Variants in TAFA2 observed in about 807,000 individuals in gnomAD.
TAFA2 encodes TAFA chemokine like family member 2.
TAFA2 carries 7 observed loss-of-function variants against 18.8 expected under a neutral mutation model. That is an observed-to-expected ratio of 0.37 (90% CI 0.21 to 0.70). The LOEUF (loss-of-function observed/expected upper bound fraction) is 0.70. Ranked by LOEUF, TAFA2 falls within the 30% of genes least tolerant of loss-of-function variation. The pLI is 0.53. For synonymous variants in TAFA2, 60 were observed against 54.2 expected, an observed-to-expected ratio of 1.11 and a Z score of -0.47; for missense variants, 122 against 158.1, an observed-to-expected ratio of 0.77 and a Z score of 1.23.
At chr12:61,794,895 C>A (rs1301221181) in intron 2 of TAFA2, among the ~76,000 whole-genome samples, 1 of 152,016 alleles carries the variant, frequency 6.6e-6, no homozygotes, top group Non-Finnish European at 1.5e-5. Context: ...AAAAAACAAA[C>A]AACCCCAATA....
intron 1 of TAFA2, among the ~76,000 whole-genome samples, chr12:61,924,767 A>C (rs1877206097): frequency 6.6e-6 from 1 of 152,224 alleles, no homozygotes; most frequent in Non-Finnish European, 1.5e-5. Context: ...AATGGGCTAA[A>C]TGCCCTAGTT....
chr12:61,743,702 C>T (rs1355513293), intron 4 of TAFA2, among the ~76,000 whole-genome samples: 1 of 152,086 alleles, frequency 6.6e-6, no homozygotes, highest in Non-Finnish European at 1.5e-5. Flanking sequence ...AAATCCTGAA[C>T]TTGTGGGAAC....
rs184000370 is a variant in TAFA2 at position 62,035,506 on chromosome 12, G to A, written c.-2+155753C>T. On this transcript the variant is annotated intron_variant, in intron 1 of 4. Transcript: ENST00000416284. ...AGCAAATGAAAGAAGTGGGAAGAGG[G>A]TTGATATAGGGAGAGCCACAAATAC... Among the ~76,000 whole-genome samples the A allele has an allele frequency of 2.6e-5, 4 of 151,440 alleles. No homozygotes were observed. In the East Asian group the frequency reaches 7.8e-4, roughly 30 times the overall value.
intron 2 of TAFA2, among the ~76,000 whole-genome samples, chr12:61,860,409 TA>T (rs1256174324): frequency 6.6e-6 from 1 of 152,220 alleles, no homozygotes; most frequent in Non-Finnish European, 1.5e-5. Flanking sequence ...CACTATGAAT[TA>T]TAAATCAGTG....
intron 1 of TAFA2, among the ~76,000 whole-genome samples, chr12:62,017,731 A>AT (rs1222935817): frequency 6.6e-6 from 1 of 152,170 alleles, no homozygotes; most frequent in Non-Finnish European, 1.5e-5. Flanking sequence ...TTTCACATCA[A>AT]TATAGCATAT....
chr12:61,812,931 T>TA lies in TAFA2; in HGVS notation c.106+54388dup, dbSNP rs1209419896. On this transcript the variant is annotated intron_variant, in intron 2 of 4. Transcript: ENST00000416284. ...TCAGAAAATACAGGTAAATATAAAA[T>TA]AAAAAATATCCTCTTGTTTGCTATT... Among the ~76,000 whole-genome samples, 15 of 151,306 alleles carry TA rather than the reference T, an allele frequency of 9.9e-5. 1 individual carries two copies. Among genetic ancestry groups the TA allele is most frequent in the African/African-American group, 3.2e-4 (13 of 40,634 alleles).
chr12:61,892,882 GTAAA>G (rs1875695875), intron 1 of TAFA2, among the ~76,000 whole-genome samples: 1 of 152,116 alleles, frequency 6.6e-6, no homozygotes, highest in Non-Finnish European at 1.5e-5. Context: ...GAGTGAATAA[GTAAA>G]TAAATAAATG....
At chr12:62,014,556 C>T (rs190130623) in intron 1 of TAFA2, among the ~76,000 whole-genome samples, 11 of 152,162 alleles carry the variant, frequency 7.2e-5, no homozygotes, top group African/African-American at 9.6e-5. Context: ...TGCTTAACCC[C>T]GGAAGGCAGA....
intron 1 of TAFA2, chr12:61,879,362 TG>T (rs1875009827): frequency 4.1e-6 from 3 of 730,936 alleles, no homozygotes; most frequent in Admixed American, 4.4e-5. Context: ...TATCCACCTC[TG>T]GCCCCCGGGC....
chr12:62,123,772 C>CCACACACACACACACACACACA (rs369871302), intron 1 of TAFA2, among the ~76,000 whole-genome samples: 17 of 69,032 alleles, frequency 2.5e-4, no homozygotes, highest in South Asian at 1.1e-3. Flanking sequence ...ATCTCCCCCA[C>CCACACACACACACACACACACA]CACACACATA....
intron 1 of TAFA2, among the ~76,000 whole-genome samples, chr12:62,032,047 A>C (rs996623219): frequency 5.9e-5 from 9 of 152,180 alleles, no homozygotes; most frequent in African/African-American, 2.2e-4. Flanking sequence ...TTTATAACTT[A>C]AATAACATTG....
chr12:62,003,597 T>C (rs1420176661), intron 1 of TAFA2, among the ~76,000 whole-genome samples: 1 of 152,196 alleles, frequency 6.6e-6, no homozygotes, highest in Non-Finnish European at 1.5e-5. Flanking sequence ...CTTCATATCC[T>C]GCTCTATTTT....
upstream of TAFA2, among the ~76,000 whole-genome samples, chr12:62,195,335 CA>C (rs896326688): frequency 6.6e-6 from 1 of 151,708 alleles, no homozygotes; most frequent in Non-Finnish European, 1.5e-5. Flanking sequence ...AATTCCATCT[CA>C]AAAAAAACTA....
intron 1 of TAFA2, among the ~76,000 whole-genome samples, chr12:62,089,137 C>T (rs1020835760): frequency 2.6e-5 from 4 of 152,130 alleles, no homozygotes; most frequent in African/African-American, 7.2e-5. Context: ...ACGAAATTAA[C>T]ACCAAAGCTT....
At chr12:61,812,075 A>C (rs1270706904) in intron 2 of TAFA2, among the ~76,000 whole-genome samples, 1 of 151,386 alleles carries the variant, frequency 6.6e-6, no homozygotes, top group Non-Finnish European at 1.5e-5. Flanking sequence ...CAAAAATCTC[A>C]TGGGGCCAAA....
At chr12:62,098,630 G>A (rs1869051856) in intron 1 of TAFA2, among the ~76,000 whole-genome samples, 1 of 152,122 alleles carries the variant, frequency 6.6e-6, no homozygotes, top group African/African-American at 2.4e-5. Flanking sequence ...AGCTACTTGA[G>A]CTGATTAATT....
intron 1 of TAFA2, among the ~76,000 whole-genome samples, chr12:62,174,339 C>T (rs555124119): frequency 1.3e-5 from 2 of 151,626 alleles, no homozygotes; most frequent in Admixed American, 1.3e-4. Context: ...AAGAAGGAAA[C>T]GTTGGTAAGA....
chr12:61,711,488 T>G (rs1339868735), intron 4 of TAFA2, among the ~76,000 whole-genome samples: 2 of 152,138 alleles, frequency 1.3e-5, no homozygotes, highest in African/African-American at 4.8e-5. Context: ...ATTGTCAAAA[T>G]TTTGATTTTA....
At chr12:61,901,259 C>CTTTTT (rs1203233805) in intron 1 of TAFA2, among the ~76,000 whole-genome samples, 9 of 10,898 alleles carry the variant, frequency 8.3e-4, no homozygotes, top group African/African-American at 1.1e-3. Context: ...TTCAATTTCA[C>CTTTTT]TTTTTTTTTT....
Sources: allele counts gnomAD v4.1 joint callset (sites outside exome capture counted in the v4.1 genomes callset), GRCh38; gene constraint gnomAD v4.1.1; transcripts MANE v1.5; gene names NCBI Gene and HGNC (gene_info 2026-07-23, HGNC 2026-07-21).